Variants in ANKRD30BL observed in about 807,000 individuals in gnomAD.
The protein encoded by ANKRD30BL is ankyrin repeat domain 30B like, also known as putative ankyrin repeat domain-containing protein 30B-like.
ANKRD30BL carries 20 observed loss-of-function variants against 18.4 expected under a neutral mutation model. That is an observed-to-expected ratio of 1.09 (90% CI 0.77 to 1.58). ANKRD30BL has a LOEUF of 1.58. Ranked by LOEUF, ANKRD30BL falls within the 40% of genes most tolerant of loss-of-function variation. The pLI is 0.00. For synonymous variants in ANKRD30BL, 72 were observed against 100.9 expected, an observed-to-expected ratio of 0.71 and a Z score of 1.72; for missense variants, 224 against 268.6, an observed-to-expected ratio of 0.83 and a Z score of 1.16.
At position 132,198,472 on chromosome 2, in the gene ANKRD30BL, C is replaced by T. The variant is rs1233434911; in HGVS notation, n.442-41326G>A. Among the ~76,000 whole-genome samples, 7 of 151,692 alleles carry T rather than the reference C, an allele frequency of 4.6e-5. No homozygotes were observed. In the East Asian group the frequency reaches 9.7e-4, roughly 21 times the overall value. On this transcript the variant is annotated intron_variant and non_coding_transcript_variant, in intron 1 of 4. Transcript: ENST00000470729. ...CTGAGTAGCTGGTACTACAGGCATC[C>T]GCCACCATGCCCCGCTAATTTTTTG...
At chr2:132,198,317 T>C (rs1558928569) in intron 1 of ANKRD30BL, among the ~76,000 whole-genome samples, 1 of 32,910 alleles carries the variant, frequency 3.0e-5, no homozygotes, top group Non-Finnish European at 5.1e-5. Context: ...TCTTTCTTTC[T>C]TTCTTTCTTT....
At chr2:132,156,875 G>C in intron 3 of ANKRD30BL, 98 bp downstream of exon 3, 1 of 449,024 alleles carries the variant, frequency 2.2e-6, no homozygotes, top group Non-Finnish European at 3.8e-6. Flanking sequence ...TAGAAAAATA[G>C]GAATGTTTGA....
chr2:132,158,160 G>A (rs1322411100), intron 1 of ANKRD30BL, among the ~76,000 whole-genome samples: 1 of 152,066 alleles, frequency 6.6e-6, no homozygotes, highest in African/African-American at 2.4e-5. Context: ...CTTAGTCATA[G>A]GATTAACACT....
At chr2:132,231,099 A>T (rs1257731499) in intron 1 of ANKRD30BL, among the ~76,000 whole-genome samples, 1 of 152,014 alleles carries the variant, frequency 6.6e-6, no homozygotes, top group Admixed American at 6.6e-5. Flanking sequence ...CTTTTTGTGG[A>T]GTCTGCAAGT....
chr2:132,250,016 G>A (rs2323826), intron 1 of ANKRD30BL, among the ~76,000 whole-genome samples: 2,086 of 151,656 alleles, frequency 0.014, 40 homozygotes, highest in African/African-American at 0.047. Context: ...GCCTCAAAGC[G>A]CTCACAAATA....
intron 1 of ANKRD30BL, among the ~76,000 whole-genome samples, chr2:132,206,941 C>T (rs1679223311): frequency 6.6e-6 from 1 of 152,168 alleles, no homozygotes; most frequent in Admixed American, 6.6e-5. Context: ...TCTCTACCTC[C>T]ATCCTCACAT....
intron 1 of ANKRD30BL, among the ~76,000 whole-genome samples, chr2:132,170,034 C>T (rs571468912): frequency 1.3e-5 from 2 of 152,124 alleles, no homozygotes; most frequent in Admixed American, 1.3e-4. Flanking sequence ...GTAGAAGGAA[C>T]TGTGTATTAA....
At chr2:132,170,290 G>T (rs1008077172) in intron 1 of ANKRD30BL, among the ~76,000 whole-genome samples, 6 of 152,132 alleles carry the variant, frequency 3.9e-5, no homozygotes, top group Admixed American at 3.9e-4. Context: ...GCTTTGAAGG[G>T]TGAGAAAAAT....
At chr2:132,176,816 T>C (rs1229188941) in intron 1 of ANKRD30BL, among the ~76,000 whole-genome samples, 3 of 152,182 alleles carry the variant, frequency 2.0e-5, no homozygotes, top group African/African-American at 7.2e-5. Context: ...CAGCGTATTA[T>C]GCTTATGCTT....
At chr2:132,222,707 G>A (rs554300539) in intron 1 of ANKRD30BL, among the ~76,000 whole-genome samples, 16 of 151,774 alleles carry the variant, frequency 1.1e-4, no homozygotes, top group Admixed American at 5.9e-4. Flanking sequence ...GCGGAAGGCC[G>A]CAGGGTCCTC....
At chr2:132,230,888 A>G (rs1679991107) in intron 1 of ANKRD30BL, among the ~76,000 whole-genome samples, 1 of 152,050 alleles carries the variant, frequency 6.6e-6, no homozygotes, top group South Asian at 2.1e-4. Context: ...AGAGAGTTGA[A>G]CATTTCTTTT....
chr2:132,201,456 A>G (rs1383463663), intron 1 of ANKRD30BL, among the ~76,000 whole-genome samples: 1 of 152,206 alleles, frequency 6.6e-6, no homozygotes, highest in Non-Finnish European at 1.5e-5. Flanking sequence ...CAAGAAAAAA[A>G]CAACCCCATC....
chr2:132,228,894 T>C (rs1284666119), intron 1 of ANKRD30BL, among the ~76,000 whole-genome samples: 2 of 151,758 alleles, frequency 1.3e-5, no homozygotes, highest in African/African-American at 4.9e-5. Context: ...AATCTGCAAG[T>C]GGACATTTTG....
chr2:132,163,031 T>C (rs1688115325), upstream of ANKRD30BL, among the ~76,000 whole-genome samples: 2 of 152,192 alleles, frequency 1.3e-5, no homozygotes, highest in South Asian at 4.1e-4. Flanking sequence ...ATCTGGAGTA[T>C]GGCAGTGGCG....
At chr2:132,180,767 G>A (rs925710173) in intron 1 of ANKRD30BL, among the ~76,000 whole-genome samples, 3 of 152,080 alleles carry the variant, frequency 2.0e-5, no homozygotes, top group African/African-American at 7.2e-5. Flanking sequence ...TTCTAGCTTT[G>A]ATCATTTTAT....
chr2:132,173,066 C>A (rs914848698), intron 1 of ANKRD30BL, among the ~76,000 whole-genome samples: 2 of 151,430 alleles, frequency 1.3e-5, no homozygotes, highest in Non-Finnish European at 2.9e-5. Flanking sequence ...TTTATTTTTT[C>A]ATTCCCTGTA....
chr2:132,206,570 T>C (rs1679216672), intron 1 of ANKRD30BL, among the ~76,000 whole-genome samples: 1 of 152,154 alleles, frequency 6.6e-6, no homozygotes, highest in Non-Finnish European at 1.5e-5. Context: ...GAGGATGAAG[T>C]GCATGTAGAG....
chr2:132,215,224 G>T (rs2104762652), intron 1 of ANKRD30BL, among the ~76,000 whole-genome samples: 1 of 152,380 alleles, frequency 6.6e-6, no homozygotes, highest in Admixed American at 6.5e-5. Flanking sequence ...AAACATCTTT[G>T]TGATGTGTGC....
At chr2:132,185,725 C>T (rs1169172945) in intron 1 of ANKRD30BL, among the ~76,000 whole-genome samples, 5 of 152,170 alleles carry the variant, frequency 3.3e-5, no homozygotes, top group African/African-American at 1.2e-4. Context: ...AGTCCCATTT[C>T]ATTTACAGAA....
Sources: allele counts gnomAD v4.1 joint callset (sites outside exome capture counted in the v4.1 genomes callset), GRCh38; gene constraint gnomAD v4.1.1; transcripts MANE v1.5; gene names NCBI Gene and HGNC (gene_info 2026-07-23, HGNC 2026-07-21).